The following EPN2 variants were observed in gnomAD, a reference collection of about 807,000 sequenced individuals.
EPN2 encodes epsin 2, also known as epsin-2.
A neutral mutation model predicts 61.7 loss-of-function variants in EPN2; 34 were observed. The ratio of observed to expected loss-of-function variants is 0.55; its 90% CI spans 0.42 to 0.73. The LOEUF is 0.73. Among genes scored for constraint, EPN2 ranks in the 30% least tolerant of loss-of-function variants. EPN2 has a pLI of 0.00. For synonymous variants in EPN2, 349 were observed against 353.6 expected, an observed-to-expected ratio of 0.99 and a Z score of 0.15; for missense variants, 714 against 839.2, an observed-to-expected ratio of 0.85 and a Z score of 1.84.
chr17:19,262,055 C>T (rs930369814), intron 1 of EPN2, among the ~76,000 whole-genome samples: 1 of 151,978 alleles, frequency 6.6e-6, no homozygotes, highest in African/African-American at 2.4e-5. Flanking sequence ...GGCATGGTGG[C>T]GCATCCCTGT....
chr17:19,311,562 C>A (rs1019644900), intron 5 of EPN2, among the ~76,000 whole-genome samples: 4 of 151,894 alleles, frequency 2.6e-5, no homozygotes, highest in African/African-American at 4.8e-5. Flanking sequence ...GTGACTTTGC[C>A]TTAAATAAAG....
At chr17:19,324,822 A>G (rs535509418) in intron 7 of EPN2, among the ~76,000 whole-genome samples, 2 of 152,368 alleles carry the variant, frequency 1.3e-5, no homozygotes, top group South Asian at 4.1e-4. Flanking sequence ...ACATAATAGT[A>G]TCCGTAAAGA....
intron 4 of EPN2, among the ~76,000 whole-genome samples, chr17:19,287,397 A>G (rs1345859070): frequency 6.6e-6 from 1 of 152,110 alleles, no homozygotes; most frequent in South Asian, 2.1e-4. Context: ...AACAAGTGTT[A>G]TATGGATTGC....
chr17:19,267,636 G>A (rs924291859), intron 1 of EPN2, among the ~76,000 whole-genome samples: 4 of 151,432 alleles, frequency 2.6e-5, no homozygotes, highest in Non-Finnish European at 5.9e-5. Context: ...TCTGCCTCCC[G>A]GGTTCAAGCG....
Position 19,283,262 on chromosome 17 carries a change from A to C in EPN2, c.143A>C (p.Tyr48Ser). 1 of 1,614,116 alleles carries C rather than the reference A, an allele frequency of 6.2e-7. No individual in the cohort carries two copies. The highest frequency in any genetic ancestry group is 8.5e-7 in the Non-Finnish European group (1 of 1,180,026). ...SLMTEIADLTYNVVAFSEIMS... is the reference protein window; with the variant it reads ...SLMTEIADLTSNVVAFSEIMS... ...ATGACCGAGATTGCCGACCTGACCTACAACGTGGTGGCCTTCTCGGAGATC... is the reference window on the plus strand; with the variant it reads ...ATGACCGAGATTGCCGACCTGACCTCCAACGTGGTGGCCTTCTCGGAGATC... The change falls in exon 3 of 11, where the codon TAC (tyrosine) becomes TCC (serine). Residue 48 changes from tyrosine (Y) to serine (S), a missense_variant. Physicochemically the swap from Tyr to Ser is moderately radical, Grantham distance 144. Coordinates refer to ENST00000314728, the MANE Select transcript of EPN2 (RefSeq NM_014964.5). The surrounding 1 kb of genome is among the most constrained non-coding windows in gnomAD (Gnocchi z 7.0).
At chr17:19,332,744 C>G (rs1189501623) in intron 10 of EPN2, among the ~76,000 whole-genome samples, 1 of 152,236 alleles carries the variant, frequency 6.6e-6, no homozygotes, top group East Asian at 1.9e-4. Flanking sequence ...CCCTCCTCTT[C>G]CCTAATGAAA....
At chr17:19,238,901 T>C (rs746101061) in intron 1 of EPN2, among the ~76,000 whole-genome samples, 1 of 152,198 alleles carries the variant, frequency 6.6e-6, no homozygotes, top group Non-Finnish European at 1.5e-5. Context: ...TTCCTCTCAT[T>C]ATGTAATATA....
At position 19,237,455 on chromosome 17, in the gene EPN2, G is replaced by C. The variant is rs2044826091; in HGVS notation, c.-370G>C. The C allele has an allele frequency of 6.6e-6, 1 of 151,994 alleles. No homozygotes were observed. The highest frequency in any genetic ancestry group is 1.5e-5 in the Non-Finnish European group (1 of 67,992). 9.4% of individuals were successfully genotyped at this position (151,994 alleles called of 1,614,324 possible). A position where few individuals can be genotyped will look rare whatever the true frequency, so the allele number is the denominator to read the frequency against. On this transcript the variant is annotated 5_prime_UTR_variant, in exon 1 of 11. Transcript: ENST00000314728. ...GACGCGGCGGTGGCGGCGGCTCCGC[G>C]GGCTACGGTCGCTCCCGCCTCTCGA...
chr17:19,256,023 T>C (rs956286075), intron 1 of EPN2, among the ~76,000 whole-genome samples: 1 of 152,036 alleles, frequency 6.6e-6, no homozygotes. Context: ...CTGCAAGCTC[T>C]GCCTCCTGGG....
At chr17:19,295,494 T>C (rs1357900375) in intron 4 of EPN2, among the ~76,000 whole-genome samples, 1 of 151,928 alleles carries the variant, frequency 6.6e-6, no homozygotes, top group Non-Finnish European at 1.5e-5. Context: ...ATCGTGCCAT[T>C]AGACTCCAGC....
At chr17:19,276,061 A>G (rs1252637124) in intron 1 of EPN2, among the ~76,000 whole-genome samples, 2 of 149,092 alleles carry the variant, frequency 1.3e-5, no homozygotes, top group African/African-American at 2.6e-5. Flanking sequence ...ATGAATTATT[A>G]ATTAATACAA....
chr17:19,259,788 G>A (rs1453952517), intron 1 of EPN2, among the ~76,000 whole-genome samples: 1 of 152,248 alleles, frequency 6.6e-6, no homozygotes, highest in Non-Finnish European at 1.5e-5. Context: ...GATGGGCCTT[G>A]AGAGAGCGAC....
intron 1 of EPN2, among the ~76,000 whole-genome samples, chr17:19,244,463 A>T (rs2071268729): frequency 6.6e-6 from 1 of 152,118 alleles, no homozygotes; most frequent in African/African-American, 2.4e-5. Flanking sequence ...TTCTCAAAAA[A>T]AAAAAAAAAA....
In EPN2 at chr17:19,331,859, C is replaced by A; in HGVS notation, c.1418C>A (p.Ser473Tyr). The A allele has an allele frequency of 6.2e-7, 1 of 1,614,002 alleles. No homozygotes were observed. Among genetic ancestry groups the A allele is most frequent in the Non-Finnish European group, 8.5e-7 (1 of 1,179,854 alleles). Residue 473 changes from serine to tyrosine, a missense_variant, in exon 10 of 11, where the codon TCT (serine) becomes TAT (tyrosine). Coordinates refer to ENST00000314728, the MANE Select transcript of EPN2 (RefSeq NM_014964.5). ...NLRTSKKTAESVTSLPSQNNG... is the reference protein window; with the variant it reads ...NLRTSKKTAEYVTSLPSQNNG... ...ATGTGTCCTTGTCTTGTAGCCGAAT[C>A]TGTGACCTCTCTGCCATCCCAAAAC...
intron 1 of EPN2, among the ~76,000 whole-genome samples, chr17:19,278,976 C>T (rs1457299851): frequency 2.6e-5 from 4 of 152,192 alleles, no homozygotes; most frequent in Non-Finnish European, 5.9e-5. Context: ...GAAAGCTGCT[C>T]CTGTCTATAA....
chr17:19,282,157 TCA>T (rs1192534234), intron 2 of EPN2, 80 bp downstream of exon 2: 1 of 152,198 alleles, frequency 6.6e-6, no homozygotes, highest in African/African-American at 2.4e-5. Flanking sequence ...GCCAGGGGTC[TCA>T]GTTTTCTTTG....
Position 19,334,129 on chromosome 17 carries a change from G to A in EPN2, c.1801G>A (p.Ala601Thr), listed in dbSNP as rs1907289650. Residue 601 changes from alanine to threonine, a missense_variant, in exon 11 of 11, where the codon GCT becomes ACT. Coordinates refer to ENST00000314728, the MANE Select transcript of EPN2 (RefSeq NM_014964.5). This position sits in a 1 kb window ranked among gnomAD's most constrained non-coding sequence, Gnocchi z 4.9. ...ASMTSAAPQP[A>T]LGATGSSLTP... Reference sequence around the variant, plus strand: ...GATGACCTCCGCGGCCCCACAGCCAGCTCTGGGGGCCACTGGTTCCTCTCT... The same window carrying A: ...GATGACCTCCGCGGCCCCACAGCCAACTCTGGGGGCCACTGGTTCCTCTCT... The A allele has an allele frequency of 6.2e-7, 1 of 1,606,198 alleles. No individual in the cohort carries two copies. The highest frequency in any genetic ancestry group is 1.3e-5 in the African/African-American group (1 of 74,838).
intron 1 of EPN2, among the ~76,000 whole-genome samples, chr17:19,268,945 C>T (rs2045227885): frequency 6.6e-6 from 1 of 152,080 alleles, no homozygotes; most frequent in South Asian, 2.1e-4. Flanking sequence ...AAGTGAGGGA[C>T]TGAAAACCCA....
intron 4 of EPN2, among the ~76,000 whole-genome samples, chr17:19,298,032 T>C (rs1598005279): frequency 6.6e-6 from 1 of 151,990 alleles, no homozygotes; most frequent in African/African-American, 2.4e-5. Context: ...CACGCCACCA[T>C]GCCCAGCTAA....
Sources: allele counts gnomAD v4.1 joint callset (sites outside exome capture counted in the v4.1 genomes callset), GRCh38; gene constraint gnomAD v4.1.1; non-coding constraint Gnocchi (gnomAD v3.1); transcripts MANE v1.5; gene names NCBI Gene and HGNC (gene_info 2026-07-23, HGNC 2026-07-21).